PCDHGB3: variants seen among roughly 807,000 people sequenced by gnomAD.
The protein encoded by PCDHGB3 is protocadherin gamma subfamily B, 3, also known as protocadherin gamma-B3.
In PCDHGB3, 40 loss-of-function variants were observed where a neutral mutation model predicts 59.2. That is an observed-to-expected ratio of 0.68 (90% CI 0.52 to 0.88). The LOEUF is 0.88. PCDHGB3 is among the 40% of genes least tolerant of loss of function. The probability of loss-of-function intolerance (pLI) is 0.00; values close to 1 mark genes in which losing one functional copy is unlikely to be tolerated. For synonymous variants in PCDHGB3, 581 were observed against 503.6 expected (o/e 1.15, Z -2.06); for missense variants, 1,309 against 1,187.9 (o/e 1.10, Z -1.50).
At chr5:141,495,279 G>T (rs72790069) in intron 2 of PCDHGB3, among the ~76,000 whole-genome samples, 4 of 152,146 alleles carry the variant, frequency 2.6e-5, no homozygotes, top group Non-Finnish European at 5.9e-5. Context: ...CGGAGGAGGC[G>T]GTCCGCACTC....
chr5:141,455,795 C>T (rs1251703490), intron 1 of PCDHGB3, among the ~76,000 whole-genome samples: 1 of 151,960 alleles, frequency 6.6e-6, no homozygotes, highest in African/African-American at 2.4e-5. Flanking sequence ...TCCGGAGATG[C>T]TTTAAAAAAT....
Position 141,501,330 on chromosome 5 carries a change from CA to C in PCDHGB3, c.2475-4062del, listed in dbSNP as rs1562200936. 1.8e-3 allele frequency among the ~76,000 whole-genome samples: 266 copies of C among 151,500 alleles called. 1 individual carries two copies. Among genetic ancestry groups the C allele is most frequent in the African/African-American group, 5.1e-3 (210 of 41,250 alleles). On this transcript the variant is annotated intron_variant, in intron 2 of 3. Transcript: ENST00000576222. ...ACACACACACACACACACACACACACACACCCCAAACTCAATAGGGCAAGAA... is the reference window on the plus strand; with the variant it reads ...ACACACACACACACACACACACACACCACCCCAAACTCAATAGGGCAAGAA...
At chr5:141,419,663 G>A in intron 1 of PCDHGB3, 1 of 1,612,826 alleles carries the variant, frequency 6.2e-7, no homozygotes, top group Non-Finnish European at 8.5e-7. Flanking sequence ...GGGGCACAAT[G>A]CCTGGCTGTC....
intron 1 of PCDHGB3, chr5:141,419,553 C>T (rs2096398346): frequency 1.2e-5 from 20 of 1,611,902 alleles, no homozygotes; most frequent in Non-Finnish European, 1.4e-5. Flanking sequence ...GTGCTGTACC[C>T]TGCGCTGGGT....
intron 1 of PCDHGB3, chr5:141,440,868 T>G (rs1288344051): frequency 3.9e-5 from 6 of 152,150 alleles, no homozygotes; most frequent in Non-Finnish European, 1.5e-5. Context: ...ATCTAGGATG[T>G]GTACAGCGTC....
At chr5:141,425,521 C>A (rs2096880944) in intron 1 of PCDHGB3, among the ~76,000 whole-genome samples, 1 of 152,210 alleles carries the variant, frequency 6.6e-6, no homozygotes, top group Non-Finnish European at 1.5e-5. Flanking sequence ...TATGATGAAA[C>A]ATGAAACAAT....
intron 1 of PCDHGB3, chr5:141,419,337 C>A (rs1283848400): frequency 6.2e-7 from 1 of 1,613,906 alleles, no homozygotes; most frequent in South Asian, 1.1e-5. Flanking sequence ...TCTCTCATTG[C>A]CAGCGACCTG....
At chr5:141,415,538 G>A in intron 1 of PCDHGB3, 1 of 1,614,182 alleles carries the variant, frequency 6.2e-7, no homozygotes, top group Non-Finnish European at 8.5e-7. Flanking sequence ...AGCCAGGAGA[G>A]CTGTGAGAAA....
chr5:141,485,814 CT>C lies in PCDHGB3; in HGVS notation c.2416-8992del, dbSNP rs2099619658. On this transcript the variant is annotated intron_variant, in intron 1 of 3. Transcript: ENST00000576222. The surrounding 1 kb of genome is among the most constrained non-coding windows in gnomAD (Gnocchi z 5.7). ...TCGGACTACCGCCTGGTGCTGACTGCTGTCGATGGAGGGAACCCGCCGAGAT... is the reference window on the plus strand; with the variant it reads ...TCGGACTACCGCCTGGTGCTGACTGCGTCGATGGAGGGAACCCGCCGAGAT... The C allele has an allele frequency of 6.2e-7, 1 of 1,613,864 alleles. No individual in the cohort carries two copies. Among genetic ancestry groups the C allele is most frequent in the Non-Finnish European group, 8.5e-7 (1 of 1,179,990 alleles).
intron 1 of PCDHGB3, chr5:141,419,897 A>G: frequency 1.2e-6 from 2 of 1,613,960 alleles, no homozygotes; most frequent in African/African-American, 2.7e-5. Flanking sequence ...CGACCATCCC[A>G]CACCCTCTGA....
chr5:141,419,505 G>A lies in PCDHGB3; in HGVS notation c.2415+46696G>A, dbSNP rs115850576. The A allele has an allele frequency of 8.4e-4, 1,351 of 1,612,324 alleles. 13 individuals are homozygous for A. In the African/African-American group the frequency reaches 0.015, roughly 18 times the overall value. The stretch of plus-strand genomic sequence containing the variant: ...GCGCTCAGCGCCAATGTGAGCCTGC[G>A]CGTGTTGGTGGGCGACCGTAACGAC... On this transcript the variant is annotated intron_variant, in intron 1 of 3. Transcript: ENST00000576222.
chr5:141,408,851 G>T, intron 1 of PCDHGB3: 4 of 1,613,574 alleles, frequency 2.5e-6, no homozygotes, highest in African/African-American at 1.3e-5. Context: ...TGCCTTGGAC[G>T]GAGGGGACCC....
At chr5:141,410,295 T>A (rs1043971768) in intron 1 of PCDHGB3, 1 of 1,613,982 alleles carries the variant, frequency 6.2e-7, no homozygotes, top group Admixed American at 1.7e-5. Flanking sequence ...GCCTTGGCCT[T>A]AATCTCAGTG....
At chr5:141,393,968 C>T (rs2092886432) in intron 1 of PCDHGB3, 1 of 1,613,770 alleles carries the variant, frequency 6.2e-7, no homozygotes, top group Non-Finnish European at 8.5e-7. Context: ...TTGTCTGTTA[C>T]ACACGTGATA....
rs752392369 is a variant in PCDHGB3 at position 141,422,109 on chromosome 5, A to G, written c.2415+49300A>G. ...AAAGCAAGGCTTCTGAAATATTCCA[A>G]TTGGATTCACAAACTGGAGAAGTTC... On this transcript the variant is annotated intron_variant, in intron 1 of 3. Coordinates refer to ENST00000576222, the MANE Select transcript of PCDHGB3 (RefSeq NM_018924.5). 6 of 1,606,850 alleles carry G rather than the reference A, an allele frequency of 3.7e-6. No homozygotes were observed. The African/African-American group carries it at 4.0e-5, about 11-fold the overall frequency.
At chr5:141,429,597 G>A (rs937301997) in intron 1 of PCDHGB3, among the ~76,000 whole-genome samples, 2 of 152,094 alleles carry the variant, frequency 1.3e-5, no homozygotes, top group Non-Finnish European at 2.9e-5. Flanking sequence ...TGTAATTCAA[G>A]TAAACTCAAT....
intron 2 of PCDHGB3, among the ~76,000 whole-genome samples, chr5:141,496,353 C>T (rs761547879): frequency 4.6e-5 from 7 of 152,210 alleles, no homozygotes; most frequent in Non-Finnish European, 8.8e-5. Context: ...AGTCTCAGAG[C>T]CCAGGGAGAG....
rs1394490963 is a variant in PCDHGB3 at position 141,393,307 on chromosome 5, A to G, written c.2415+20498A>G. On this transcript the variant is annotated intron_variant, in intron 1 of 3. Coordinates refer to ENST00000576222, the MANE Select transcript of PCDHGB3 (RefSeq NM_018924.5). ...GCTGTTGACCCGGATGTGGGCGTGAACTCCCTCCAGAGCTACCAGCTCAGC... is the reference window on the plus strand; with the variant it reads ...GCTGTTGACCCGGATGTGGGCGTGAGCTCCCTCCAGAGCTACCAGCTCAGC... 4 of 1,613,476 alleles carry G rather than the reference A, an allele frequency of 2.5e-6. No homozygotes were observed. The highest frequency in any genetic ancestry group is 3.3e-5 in the Admixed American group (2 of 59,966).
chr5:141,370,694 G>A lies in PCDHGB3; in HGVS notation c.300G>A (p.Ser100=), dbSNP rs1213038173. 20 of 1,613,794 alleles carry A rather than the reference G, an allele frequency of 1.2e-5. No homozygotes were observed. The highest frequency in any genetic ancestry group is 1.6e-5 in the Non-Finnish European group (19 of 1,179,888). ...IDREEICGKK[S]TCVLEFEMVA... ...GAGAGGAGATTTGTGGCAAGAAGTC[G>A]ACGTGTGTTCTGGAATTTGAAATGG... Residue 100 remains serine (S), a synonymous_variant, in exon 1 of 4, where the codon TCG becomes TCA. Transcript: ENST00000576222.
Sources: gnomAD v4.1 joint callset for allele counts (sites outside exome capture counted in the v4.1 genomes callset) on GRCh38, gnomAD v4.1.1 for gene constraint, Gnocchi (gnomAD v3.1) non-coding constraint, MANE v1.5 for transcripts, NCBI Gene and HGNC (gene_info 2026-07-23, HGNC 2026-07-21) for gene names.